NBAS: variants seen among roughly 807,000 people sequenced by gnomAD.
The protein encoded by NBAS is NAG/BC035112 fusion.
A neutral mutation model predicts 302.5 loss-of-function variants in NBAS; 219 were observed. The observed-to-expected ratio is 0.72, with a 90% CI of 0.65 to 0.81. The LOEUF (loss-of-function observed/expected upper bound fraction) is 0.81. NBAS is among the 30% of genes least tolerant of loss of function. The pLI is 0.00. For missense variants in NBAS, 2,932 were observed against 2,841.6 expected (o/e 1.03, Z -0.72); for synonymous variants, 1,118 against 1,021.6 (o/e 1.09, Z -1.80).
At chr2:14,877,713 C>A in the NBAS span, among the ~76,000 whole-genome samples, 1 of 152,116 alleles carries the variant, frequency 6.6e-6, no homozygotes, top group African/African-American at 2.4e-5. Flanking sequence ...TAGAGCCTGA[C>A]TTGAGTGTTA....
At chr2:15,526,857 T>G (rs1662933792) in intron 9 of NBAS, among the ~76,000 whole-genome samples, 1 of 152,136 alleles carries the variant, frequency 6.6e-6, no homozygotes. Context: ...AAAGTAAACA[T>G]CTTAAAAGTA....
chr2:15,076,794 G>C, the NBAS span, among the ~76,000 whole-genome samples: 7 of 152,304 alleles, frequency 4.6e-5, no homozygotes, highest in African/African-American at 1.7e-4. Flanking sequence ...TGCCTCTCTT[G>C]CAACTTCATT....
chr2:15,431,823 T>A (rs947764907), intron 21 of NBAS, among the ~76,000 whole-genome samples: 7 of 151,984 alleles, frequency 4.6e-5, no homozygotes, highest in African/African-American at 1.7e-4. Context: ...TAGTTGGATA[T>A]CCCATTATAT....
chr2:15,110,989 A>G, the NBAS span, among the ~76,000 whole-genome samples: 1 of 152,168 alleles, frequency 6.6e-6, no homozygotes, highest in Non-Finnish European at 1.5e-5. Flanking sequence ...TGGGGGAGAT[A>G]CATCTATAAG....
At chr2:15,253,204 G>A (rs1406903217) in intron 44 of NBAS, among the ~76,000 whole-genome samples, 3 of 152,184 alleles carry the variant, frequency 2.0e-5, no homozygotes, top group African/African-American at 4.8e-5. Flanking sequence ...ACCGCAAGAT[G>A]TCTCATGGGG....
the NBAS span, among the ~76,000 whole-genome samples, chr2:14,954,146 TCTGTAATGACTATGGAAATGGCTA>T: frequency 6.6e-6 from 1 of 152,196 alleles, no homozygotes; most frequent in Non-Finnish European, 1.5e-5. Context: ...ATCTCATAAA[TCTGTAATGACTATGGAAATGGCTA>T]CTGAAAAAGT....
intron 27 of NBAS, 108 bp from the exon 28 acceptor site, chr2:15,394,457 T>A: frequency 1.7e-6 from 2 of 1,161,096 alleles, no homozygotes; most frequent in Non-Finnish European, 2.5e-6. Flanking sequence ...AAAAAAATTA[T>A]CCCATAGTGT....
intron 49 of NBAS, among the ~76,000 whole-genome samples, chr2:15,188,747 G>C (rs1367537366): frequency 1.3e-5 from 2 of 152,132 alleles, no homozygotes; most frequent in African/African-American, 2.4e-5. Context: ...TGGTTCTTGA[G>C]AATAAGTGAA....
At chr2:14,976,963 C>A in the NBAS span, among the ~76,000 whole-genome samples, 1 of 152,128 alleles carries the variant, frequency 6.6e-6, no homozygotes, top group African/African-American at 2.4e-5. Context: ...TGATTCAAGT[C>A]ATAAAGTTTG....
At chr2:15,071,198 T>C in the NBAS span, among the ~76,000 whole-genome samples, 2 of 152,186 alleles carry the variant, frequency 1.3e-5, no homozygotes, top group South Asian at 4.1e-4. Flanking sequence ...AAACCAGTGA[T>C]TCTCAACAGG....
rs770285713 is a variant in NBAS at position 15,356,279 on chromosome 2, G to C, written c.3931+24C>G. ...ATCACATAAAGAGGACATAAGCAAA[G>C]TGTTAAATAAGCTGTCTACTCACCT... On this transcript the variant is annotated intron_variant, in intron 33 of 51. Transcript: ENST00000281513. The C allele has an allele frequency of 3.2e-5, 50 of 1,560,500 alleles. No homozygotes were observed. In the Admixed American group the frequency reaches 5.7e-4, roughly 18 times the overall value.
chr2:15,003,247 T>C, the NBAS span, among the ~76,000 whole-genome samples: 8 of 152,292 alleles, frequency 5.3e-5, no homozygotes, highest in South Asian at 1.0e-3. Context: ...ATAGTGTAGG[T>C]GGAAGATGCC....
intron 8 of NBAS, 54 bp from the exon 9 acceptor site, chr2:15,534,695 C>T (rs1054903981): frequency 3.3e-6 from 4 of 1,199,876 alleles, no homozygotes; most frequent in Admixed American, 1.7e-5. Flanking sequence ...CAATGAATAT[C>T]ACTAAATACC....
chr2:15,183,073 T>C (rs1423030639), intron 50 of NBAS, among the ~76,000 whole-genome samples: 1 of 152,110 alleles, frequency 6.6e-6, no homozygotes, highest in East Asian at 1.9e-4. Flanking sequence ...AAGTAACAGA[T>C]AATTTTACCA....
At chr2:14,809,817 G>A in the NBAS span, among the ~76,000 whole-genome samples, 1 of 152,198 alleles carries the variant, frequency 6.6e-6, no homozygotes, top group Non-Finnish European at 1.5e-5. Context: ...AAAGCAGTCA[G>A]GAGGGAGGAT....
intron 9 of NBAS, among the ~76,000 whole-genome samples, chr2:15,515,517 A>G (rs1031497654): frequency 2.6e-5 from 4 of 152,200 alleles, no homozygotes; most frequent in African/African-American, 9.6e-5. Context: ...AGACTTTCTC[A>G]AAACAAACAA....
At chr2:15,060,010 A>C in the NBAS span, among the ~76,000 whole-genome samples, 38 of 151,106 alleles carry the variant, frequency 2.5e-4, no homozygotes, top group Non-Finnish European at 4.7e-4. Context: ...AAGTGTCGTC[A>C]TTTAACACAG....
intron 25 of NBAS, among the ~76,000 whole-genome samples, chr2:15,410,091 C>T (rs1676609564): frequency 6.6e-6 from 1 of 152,214 alleles, no homozygotes; most frequent in African/African-American, 2.4e-5. Flanking sequence ...TCATGCTCCT[C>T]TGCTACCTTC....
chr2:15,118,030 A>T, the NBAS span, among the ~76,000 whole-genome samples: 2 of 152,248 alleles, frequency 1.3e-5, no homozygotes, highest in Non-Finnish European at 2.9e-5. Context: ...CCCTGTGTTT[A>T]TCAGGAATGG....
Sources: gnomAD v4.1 joint callset for allele counts (sites outside exome capture counted in the v4.1 genomes callset) on GRCh38, gnomAD v4.1.1 for gene constraint, MANE v1.5 for transcripts, NCBI Gene and HGNC (gene_info 2026-07-23, HGNC 2026-07-21) for gene names.